HECTD4: variants seen among roughly 807,000 people sequenced by gnomAD.
HECTD4 encodes probable E3 ubiquitin-protein ligase HECTD4.
HECTD4 carries 114 observed loss-of-function variants against 471.5 expected under a neutral mutation model. The ratio of observed to expected loss-of-function variants is 0.24; its 90% CI spans 0.21 to 0.28. The LOEUF (loss-of-function observed/expected upper bound fraction) is 0.28. Among genes scored for constraint, HECTD4 ranks in the 10% least tolerant of loss-of-function variants. HECTD4 has a pLI of 1.00. For missense variants in HECTD4, 3,866 were observed against 5,651.5 expected (o/e 0.68, Z 10.13); for synonymous variants, 2,012 against 2,256.0 (o/e 0.89, Z 3.07).
chr12:112,235,908 G>T lies in HECTD4; in HGVS notation c.5445-124C>A. On this transcript the variant is annotated intron_variant, in intron 35 of 75. Coordinates refer to ENST00000682272, the MANE Select transcript of HECTD4 (RefSeq NM_001388303.1). This position sits in a 1 kb window ranked among gnomAD's most constrained non-coding sequence, Gnocchi z 5.0. ...GATTTCACGAGGAATCATGAATGTG[G>T]CACTATGCTTCTGTGAAGAATTAAG... is the stretch of plus-strand genomic sequence containing the variant. 1.2e-6 allele frequency: 1 copy of T among 815,768 alleles called. No individual in the cohort carries two copies. Among genetic ancestry groups the T allele is most frequent in the Non-Finnish European group, 1.9e-6 (1 of 530,890 alleles). 50.5% of individuals were successfully genotyped at this position (815,768 alleles called of 1,614,324 possible). A position where few individuals can be genotyped will look rare whatever the true frequency, so the allele number is the denominator to read the frequency against.
At position 112,207,960 on chromosome 12, in the gene HECTD4, T is replaced by C. The variant is rs2032642845; in HGVS notation, c.8045A>G (p.Lys2682Arg). 6.2e-7 allele frequency: 1 copy of C among 1,613,786 alleles called. No homozygotes were observed. Among genetic ancestry groups the C allele is most frequent in the Non-Finnish European group, 8.5e-7 (1 of 1,179,794 alleles). Residue 2682 changes from lysine (K) to arginine (R), a missense_variant, in exon 52 of 76, where the codon AAG becomes AGG. Lys to Arg is a conservative substitution (Grantham distance 26). Transcript: ENST00000682272. ...YALLVKAWET[K>R]VFPTIRRRFR... is the part of the protein sequence containing the mutation. ...GCGTCTTCGGATGGTAGGAAAAACC[T>C]TGGTCTCCCATGCTTTCACCAGCAG...
chr12:112,219,365 G>C, intron 45 of HECTD4, 21 bp downstream of exon 45: 3 of 1,587,286 alleles, frequency 1.9e-6, no homozygotes, highest in Non-Finnish European at 1.7e-6. Flanking sequence ...CAGGAGGCGC[G>C]AAGCACCGCA....
intron 35 of HECTD4, 135 bp downstream of exon 35, chr12:112,236,810 T>G (rs2033517099): frequency 1.3e-6 from 1 of 752,626 alleles, no homozygotes. Context: ...CCTCCATTAT[T>G]TTTTTGAGGC....
At position 112,185,387 on chromosome 12, in the gene HECTD4, G is replaced by A. The variant is rs1375090748; in HGVS notation, c.9579C>T (p.His3193=). ...RTVHTLEQRR[H]PAGLSSSIAL... ...CGATTGAGGAGGACAGGCCAGCGGG[G>A]TGCCGCCTCTGCTCCAGGGTGTGCA... The change falls in exon 61 of 76, where the codon CAC becomes CAT. Residue 3193 remains histidine (H), a synonymous_variant. Transcript: ENST00000682272. 6.2e-7 allele frequency: 1 copy of A among 1,612,370 alleles called. No homozygotes were observed. Among genetic ancestry groups the A allele is most frequent in the East Asian group, 2.2e-5 (1 of 44,872 alleles).
intron 55 of HECTD4, among the ~76,000 whole-genome samples, chr12:112,197,728 C>T (rs2032288812): frequency 1.3e-5 from 2 of 152,194 alleles, no homozygotes; most frequent in African/African-American, 4.8e-5. Flanking sequence ...AGTCAGCAGT[C>T]AACAGGTTTC....
At chr12:112,292,451 A>G (rs1297688354) in intron 7 of HECTD4, among the ~76,000 whole-genome samples, 1 of 152,086 alleles carries the variant, frequency 6.6e-6, no homozygotes, top group Non-Finnish European at 1.5e-5. Flanking sequence ...AATGCTTGAA[A>G]CTGTGCTTCT....
intron 23 of HECTD4, 109 bp downstream of exon 23, chr12:112,252,315 G>T: frequency 1.8e-6 from 2 of 1,120,562 alleles, no homozygotes; most frequent in Non-Finnish European, 1.2e-6. Flanking sequence ...AGAGAAAGAT[G>T]AAAGAGTGAC....
chr12:112,295,884 A>C (rs1023038767), intron 7 of HECTD4, among the ~76,000 whole-genome samples: 4 of 151,658 alleles, frequency 2.6e-5, no homozygotes, highest in Non-Finnish European at 5.9e-5. Context: ...CTGGTCTCAA[A>C]TCCTTGGCCT....
intron 72 of HECTD4, 82 bp from the exon 73 acceptor site, chr12:112,164,357 AAGCGC>A (rs1453731255): frequency 1.2e-5 from 17 of 1,456,142 alleles, no homozygotes; most frequent in Admixed American, 3.8e-5. Context: ...GGTAAACCCC[AAGCGC>A]AGCTGGTGGG....
In HECTD4 at chr12:112,279,285, C is replaced by T; in HGVS notation, c.1630G>A (p.Gly544Ser). 2 of 1,613,038 alleles carry T rather than the reference C, an allele frequency of 1.2e-6. No homozygotes were observed. The highest frequency in any genetic ancestry group is 1.7e-6 in the Non-Finnish European group (2 of 1,179,714). Residue 544 changes from glycine to serine, a missense_variant, in exon 9 of 76, where the codon GGC becomes AGC. Coordinates refer to ENST00000682272, the MANE Select transcript of HECTD4 (RefSeq NM_001388303.1). ...AAAAGAGATCGGGTGGCAGAGCTGC[C>T]TGATCCCCCTGGAGGAGGCACCAGC... ...VMLVPPPGGSGSSATRSLFGG... is the reference protein window; with the variant it reads ...VMLVPPPGGSSSSATRSLFGG...
At chr12:112,249,662 A>T (rs1218558926) in intron 25 of HECTD4, 2 of 154,930 alleles carry the variant, frequency 1.3e-5, no homozygotes, top group East Asian at 3.8e-4. Context: ...AGAATACCAC[A>T]GACATTTGTA....
rs759482881 is a variant in HECTD4 at position 112,231,592 on chromosome 12, C to T, written c.6121G>A (p.Val2041Met). 3.1e-6 allele frequency: 5 copies of T among 1,613,890 alleles called. No individual in the cohort carries two copies. The highest frequency in any genetic ancestry group is 1.7e-5 in the Admixed American group (1 of 60,012). ...TTGTCGCCTGTGGATAGTCCACTCA[C>T]AGTCTCTGGGTTGATAGACTCTACA... The part of the protein sequence containing the change: ...PPVESINPET[V>M]SGLSTGDKKK... Residue 2041 changes from valine (V) to methionine (M), a missense_variant, in exon 39 of 76, where the codon GTG becomes ATG. By Grantham distance (21) the Val-to-Met change is conservative (BLOSUM62 1). Transcript: ENST00000682272.
intron 9 of HECTD4, among the ~76,000 whole-genome samples, chr12:112,276,388 AAG>A (rs993758535): frequency 1.3e-5 from 2 of 152,132 alleles, no homozygotes; most frequent in Non-Finnish European, 1.5e-5. Flanking sequence ...AGGAGGAAAA[AAG>A]AGGGGGAAAA....
intron 13 of HECTD4, among the ~76,000 whole-genome samples, chr12:112,268,109 C>T (rs556307187): frequency 6.6e-6 from 1 of 152,326 alleles, no homozygotes; most frequent in South Asian, 2.1e-4. Flanking sequence ...CAGGCATGAG[C>T]TAACACACTC....
intron 40 of HECTD4, among the ~76,000 whole-genome samples, chr12:112,230,384 T>C (rs929208176): frequency 4.6e-5 from 7 of 152,112 alleles, no homozygotes; most frequent in African/African-American, 1.7e-4. Flanking sequence ...AAACCAACAC[T>C]GCATGATCTC....
intron 2 of HECTD4, among the ~76,000 whole-genome samples, chr12:112,318,275 G>A (rs1409966994): frequency 1.3e-5 from 2 of 149,546 alleles, no homozygotes; most frequent in Non-Finnish European, 3.0e-5. Flanking sequence ...AAAAAAAAGA[G>A]AAAAGAAAAG....
chr12:112,256,745 C>A (rs1337141743), intron 20 of HECTD4: 3 of 333,572 alleles, frequency 9.0e-6, no homozygotes, highest in Non-Finnish European at 1.6e-5. Flanking sequence ...TTCTTTTTTG[C>A]CTTTTTCCAG....
At chr12:112,274,177 C>T (rs961630154) in intron 10 of HECTD4, among the ~76,000 whole-genome samples, 1 of 152,216 alleles carries the variant, frequency 6.6e-6, no homozygotes, top group African/African-American at 2.4e-5. Flanking sequence ...AAATAAGCTT[C>T]CTACCACCCA....
intron 1 of HECTD4, chr12:112,323,089 A>T (rs2035618545): frequency 4.7e-6 from 1 of 211,846 alleles, no homozygotes; most frequent in South Asian, 8.1e-5. Context: ...GCTCAAGAGC[A>T]AGTGTTGGCT....
Sources: gnomAD v4.1 joint callset for allele counts (sites outside exome capture counted in the v4.1 genomes callset) on GRCh38, gnomAD v4.1.1 for gene constraint, Gnocchi (gnomAD v3.1) non-coding constraint, MANE v1.5 for transcripts, NCBI Gene and HGNC (gene_info 2026-07-23, HGNC 2026-07-21) for gene names.